The following PRKN variants were observed in gnomAD, a reference collection of about 807,000 sequenced individuals.
The protein encoded by PRKN is E3 ubiquitin-protein ligase parkin.
A neutral mutation model predicts 59.5 loss-of-function variants in PRKN; 56 were observed. That is an observed-to-expected ratio of 0.94 (90% CI 0.76 to 1.18). PRKN has a LOEUF of 1.18. Among genes scored for constraint, PRKN ranks in the 50% most tolerant of loss-of-function variants. The pLI is 0.00. For missense variants in PRKN, 657 were observed against 596.4 expected (o/e 1.10, Z -1.06); for synonymous variants, 250 against 222.1 (o/e 1.13, Z -1.12).
rs1293587462 is a variant in PRKN at position 161,743,281 on chromosome 6, G to A, written c.871+42491C>T. Among the ~76,000 whole-genome samples the A allele has an allele frequency of 2.2e-5, 3 of 136,390 alleles. No individual in the cohort carries two copies. In the Admixed American group the frequency reaches 2.4e-4, roughly 11 times the overall value. The allele number at this position is 136,390 out of a possible 152,430, so 89.5% of individuals were successfully genotyped here. A position where few individuals can be genotyped will look rare whatever the true frequency, so the allele number is the denominator to read the frequency against. ...GTCGCCCAGGCTGGAGTGCAGTGGTGCAATCTCGGCTCACTGCAAGCTCCG... is the reference window on the plus strand; with the variant it reads ...GTCGCCCAGGCTGGAGTGCAGTGGTACAATCTCGGCTCACTGCAAGCTCCG... On this transcript the variant is annotated intron_variant, in intron 7 of 11. Transcript: ENST00000366898.
intron 5 of PRKN, among the ~76,000 whole-genome samples, chr6:161,988,601 A>G (rs1269278457): frequency 6.6e-6 from 1 of 152,118 alleles, no homozygotes; most frequent in Non-Finnish European, 1.5e-5. Flanking sequence ...TGAGAATATA[A>G]GAATTTTAAA....
intron 2 of PRKN, among the ~76,000 whole-genome samples, chr6:162,403,813 G>A (rs769283591): frequency 6.6e-6 from 1 of 152,138 alleles, no homozygotes; most frequent in Non-Finnish European, 1.5e-5. Flanking sequence ...GAGTTTTGTG[G>A]GAGGAAGGCC....
intron 6 of PRKN, among the ~76,000 whole-genome samples, chr6:161,870,719 T>G (rs1446970405): frequency 1.3e-5 from 2 of 152,212 alleles, no homozygotes; most frequent in Admixed American, 1.3e-4. Context: ...AATTATTAAC[T>G]GATAAGGATT....
In PRKN at chr6:162,301,784, G is replaced by A. The variant is rs547886239; in HGVS notation, c.172-39019C>T. On this transcript the variant is annotated intron_variant, in intron 2 of 11. Coordinates refer to ENST00000366898, the MANE Select transcript of PRKN (RefSeq NM_004562.3). ...CTTCAGCAAATAAATTGGCCGGGGCGGGGGGGGGGTGCAGAATTCACTTTC... is the reference window on the plus strand; with the variant it reads ...CTTCAGCAAATAAATTGGCCGGGGCAGGGGGGGGGTGCAGAATTCACTTTC... 4.8e-4 allele frequency among the ~76,000 whole-genome samples: 15 copies of A among 31,154 alleles called. 3 individuals carry two copies. The highest frequency in any genetic ancestry group is 6.8e-4 in the Non-Finnish European group (13 of 19,242). The allele number at this position is 31,154 out of a possible 152,430, so 20.4% of individuals were successfully genotyped here.
chr6:161,841,923 T>C (rs535857507), intron 6 of PRKN, among the ~76,000 whole-genome samples: 1 of 152,288 alleles, frequency 6.6e-6, no homozygotes, highest in South Asian at 2.1e-4. Flanking sequence ...TTTTTCCTTA[T>C]TGTATTTGGA....
chr6:162,028,855 G>C (rs1783536099), intron 5 of PRKN, among the ~76,000 whole-genome samples: 1 of 152,220 alleles, frequency 6.6e-6, no homozygotes, highest in South Asian at 2.1e-4. Context: ...CCCAGGAGGA[G>C]AGCTCAGGAA....
chr6:161,977,552 T>TG (rs1562433446), intron 5 of PRKN, among the ~76,000 whole-genome samples: 2 of 146,786 alleles, frequency 1.4e-5, no homozygotes, highest in Non-Finnish European at 3.0e-5. Context: ...GTTTTTTTTT[T>TG]TTTTTTTTTT....
At chr6:162,645,062 A>C (rs1365994035) in intron 1 of PRKN, among the ~76,000 whole-genome samples, 2 of 152,176 alleles carry the variant, frequency 1.3e-5, no homozygotes, top group African/African-American at 2.4e-5. Flanking sequence ...TTATTAATAG[A>C]GTATCTACTT....
At chr6:162,724,770 G>C (rs1439767159) in intron 1 of PRKN, among the ~76,000 whole-genome samples, 3 of 152,164 alleles carry the variant, frequency 2.0e-5, no homozygotes, top group South Asian at 4.1e-4. Context: ...TTGTTTTACA[G>C]AATGAGTTTA....
At chr6:162,187,507 C>T (rs540057975) in intron 4 of PRKN, among the ~76,000 whole-genome samples, 24 of 152,160 alleles carry the variant, frequency 1.6e-4, no homozygotes, top group East Asian at 3.9e-4. Flanking sequence ...TGGGGAAGGA[C>T]GGAGGATGCC....
chr6:161,789,928 T>TTTTTTTTTTTTTTTTTGA (rs1434280962), intron 6 of PRKN, among the ~76,000 whole-genome samples: 1 of 152,182 alleles, frequency 6.6e-6, no homozygotes, highest in African/African-American at 2.4e-5. Flanking sequence ...AATTTCTTAT[T>TTTTTTTTTTTTTTTTTGA]GAACATCTAC....
At chr6:162,454,448 G>A (rs2022997) in intron 1 of PRKN, among the ~76,000 whole-genome samples, 11,443 of 152,198 alleles carry the variant, frequency 0.075, 1,456 homozygotes, top group African/African-American at 0.26. Context: ...CAATAGCACT[G>A]AAAGATAATT....
chr6:162,313,541 C>G (rs1782620268), intron 2 of PRKN, among the ~76,000 whole-genome samples: 1 of 151,860 alleles, frequency 6.6e-6, no homozygotes, highest in African/African-American at 2.4e-5. Context: ...AGGCTGGAAT[C>G]CAATGGTGCG....
intron 2 of PRKN, among the ~76,000 whole-genome samples, chr6:162,318,094 C>T (rs1394091838): frequency 6.6e-6 from 1 of 151,958 alleles, no homozygotes; most frequent in East Asian, 2.0e-4. Flanking sequence ...TCTCCAGGCC[C>T]TGGTAACTGC....
At chr6:161,895,402 A>T (rs985316547) in intron 6 of PRKN, among the ~76,000 whole-genome samples, 1 of 152,220 alleles carries the variant, frequency 6.6e-6, no homozygotes, top group East Asian at 1.9e-4. Context: ...GAAGGTGCTG[A>T]CAAGGTGTGC....
chr6:161,594,024 A>G (rs1781822989), intron 7 of PRKN, among the ~76,000 whole-genome samples: 1 of 151,836 alleles, frequency 6.6e-6, no homozygotes, highest in Non-Finnish European at 1.5e-5. Flanking sequence ...CCAGCAGGGT[A>G]TGGTGGCGCA....
chr6:162,011,193 T>TAGTATATATCATAAATA (rs1782648607), intron 5 of PRKN, among the ~76,000 whole-genome samples: 1 of 98,592 alleles, frequency 1.0e-5, no homozygotes, highest in African/African-American at 4.1e-5. Flanking sequence ...TTTTATAATA[T>TAGTATATATCATAAATA]ATACTATATT....
At chr6:162,687,005 TTTTTA>T (rs774652351) in intron 1 of PRKN, among the ~76,000 whole-genome samples, 3 of 152,040 alleles carry the variant, frequency 2.0e-5, no homozygotes, top group Non-Finnish European at 4.4e-5. Context: ...AGGCTTTGCT[TTTTTA>T]TTTTTTATTT....
At position 161,442,307 on chromosome 6, in the gene PRKN, A is replaced by G. The variant is rs775603006; in HGVS notation, c.1084-55430T>C. 5.3e-5 allele frequency among the ~76,000 whole-genome samples: 8 copies of G among 152,226 alleles called. No individual in the cohort carries two copies. Among genetic ancestry groups the G allele is most frequent in the Admixed American group, 4.6e-4 (7 of 15,276 alleles). On this transcript the variant is annotated intron_variant, in intron 9 of 11. Coordinates refer to ENST00000366898, the MANE Select transcript of PRKN (RefSeq NM_004562.3). The surrounding 1 kb of genome is among the most constrained non-coding windows in gnomAD (Gnocchi z 4.6). ...GGGCTTTCCACCTCCTACGATAAGT[A>G]AAAACATAAAATGATTAGCACAAAA...
Sources: gnomAD v4.1 joint callset for allele counts (sites outside exome capture counted in the v4.1 genomes callset) on GRCh38, gnomAD v4.1.1 for gene constraint, Gnocchi (gnomAD v3.1) non-coding constraint, MANE v1.5 for transcripts, NCBI Gene and HGNC (gene_info 2026-07-23, HGNC 2026-07-21) for gene names.